TAF1B: variants seen among roughly 807,000 people sequenced by gnomAD.
The protein encoded by TAF1B is TATA-box binding protein associated factor, RNA polymerase I subunit B.
A neutral mutation model predicts 83.9 loss-of-function variants in TAF1B; 61 were observed. That is an observed-to-expected ratio of 0.73 (90% CI 0.59 to 0.90). The LOEUF (loss-of-function observed/expected upper bound fraction) is 0.90, where lower values mean the gene tolerates loss of function less well. TAF1B is among the 40% of genes least tolerant of loss of function. TAF1B has a pLI of 0.00. For missense variants in TAF1B, 625 were observed against 677.0 expected (o/e 0.92, Z 0.85); for synonymous variants, 221 against 224.6 (o/e 0.98, Z 0.14).
At chr2:9,890,423 C>T (rs1572255034) in intron 8 of TAF1B, among the ~76,000 whole-genome samples, 1 of 152,104 alleles carries the variant, frequency 6.6e-6, no homozygotes, top group African/African-American at 2.4e-5. Flanking sequence ...TTAGGTATTA[C>T]CTGAACAGTT....
rs373461123 is a variant in TAF1B at position 9,875,869 on chromosome 2, G to C, written c.558G>C (p.Thr186=). The C allele has an allele frequency of 2.2e-5, 35 of 1,579,626 alleles. No individual in the cohort carries two copies. Among genetic ancestry groups the C allele is most frequent in the Non-Finnish European group, 2.9e-5 (34 of 1,155,888 alleles). The change falls in exon 7 of 15, where the codon ACG becomes ACC. Residue 186 remains threonine, a synonymous_variant. Coordinates refer to ENST00000263663, the MANE Select transcript of TAF1B (RefSeq NM_005680.3). The part of the protein sequence containing the change: ...FPVSKASQSE[T]SVCSGSLDGV... Reference sequence around the variant, plus strand: ...AATCTCCATTTATCTCCTAAGAAACGTCTGTCTGCTCTGGATCTCTGGATG... The same window carrying C: ...AATCTCCATTTATCTCCTAAGAAACCTCTGTCTGCTCTGGATCTCTGGATG...
intron 14 of TAF1B, among the ~76,000 whole-genome samples, chr2:9,932,116 G>T (rs1457671573): frequency 6.6e-6 from 1 of 152,092 alleles, no homozygotes; most frequent in Non-Finnish European, 1.5e-5. Flanking sequence ...TTGAACATCT[G>T]CCTTTAGCTC....
chr2:9,904,042 G>A (rs1269713999), intron 8 of TAF1B, among the ~76,000 whole-genome samples: 1 of 152,136 alleles, frequency 6.6e-6, no homozygotes, highest in Non-Finnish European at 1.5e-5. Context: ...AGTTTTATCT[G>A]TTCCTTTTTC....
At chr2:9,858,497 C>G (rs1663637794) in intron 5 of TAF1B, among the ~76,000 whole-genome samples, 1 of 152,244 alleles carries the variant, frequency 6.6e-6, no homozygotes, top group Admixed American at 6.5e-5. Flanking sequence ...CACAGCTCCA[C>G]TAGGCAGTGC....
chr2:9,933,109 C>T (rs1202735609), intron 14 of TAF1B, among the ~76,000 whole-genome samples: 2 of 152,202 alleles, frequency 1.3e-5, no homozygotes, highest in African/African-American at 2.4e-5. Flanking sequence ...AAGGGAAATC[C>T]CTTCCCAGGT....
At chr2:9,929,805 C>T (rs536706762) in intron 14 of TAF1B, among the ~76,000 whole-genome samples, 24 of 152,210 alleles carry the variant, frequency 1.6e-4, no homozygotes, top group Admixed American at 4.6e-4. Flanking sequence ...GCTGTGAATC[C>T]GTCTGGTCCT....
At chr2:9,876,039 GATA>G (rs1481911032) in intron 7 of TAF1B, 21 bp downstream of exon 7, 1 of 1,572,868 alleles carries the variant, frequency 6.4e-7, no homozygotes, top group East Asian at 2.3e-5. Context: ...CCTCTTGTAT[GATA>G]ATATTTTTGC....
rs375271658 is a variant in TAF1B, at chr2:9,882,700, A to C, written c.708-6A>C. The C allele has an allele frequency of 8.2e-6, 13 of 1,592,510 alleles. No individual in the cohort carries two copies. Among genetic ancestry groups the C allele is most frequent in the African/African-American group, 2.7e-5 (2 of 73,940 alleles). On this transcript the variant is annotated splice_region_variant and splice_polypyrimidine_tract_variant and intron_variant, in intron 7 of 14. Coordinates refer to ENST00000263663, the MANE Select transcript of TAF1B (RefSeq NM_005680.3). ...TCATTAAACCTTTTTCTTTTTAAAA[A>C]TACAGGTTTGTTGAAGAGGACCATA...
chr2:9,885,079 T>C (rs1664632511), intron 8 of TAF1B, among the ~76,000 whole-genome samples: 1 of 152,226 alleles, frequency 6.6e-6, no homozygotes, highest in Non-Finnish European at 1.5e-5. Context: ...TATATCTTCG[T>C]AGAACCTATT....
At position 9,875,958 on chromosome 2, in the gene TAF1B, C is replaced by T; in HGVS notation, c.647C>T (p.Ala216Val). 1 of 1,613,562 alleles carries T rather than the reference C, an allele frequency of 6.2e-7. No homozygotes were observed. Among genetic ancestry groups the T allele is most frequent in the South Asian group, 1.1e-5 (1 of 90,986 alleles). The change falls in exon 7 of 15, where the codon GCC (alanine) becomes GTC (valine). Residue 216 changes from alanine to valine, a missense_variant. By Grantham distance (64) the Ala-to-Val change is moderately conservative. Transcript: ENST00000263663. ...IVKMTMPQTL[A>V]FCYLSLLWQR... is the part of the protein sequence containing the mutation. The stretch of plus-strand genomic sequence containing the variant: ...AAGATGACCATGCCACAGACACTTG[C>T]CTTCTGTTATCTGTCCTTACTTTGG...
intron 14 of TAF1B, among the ~76,000 whole-genome samples, chr2:9,929,071 G>T (rs1031943107): frequency 1.3e-5 from 2 of 152,190 alleles, no homozygotes; most frequent in Non-Finnish European, 2.9e-5. Context: ...TAGCATGAAG[G>T]GCTGTTGAAT....
At chr2:9,868,779 A>G in intron 6 of TAF1B, 1 of 461,238 alleles carries the variant, frequency 2.2e-6, no homozygotes, top group Admixed American at 2.7e-5. Flanking sequence ...ATGTAGCCAT[A>G]TAGTAAAATA....
chr2:9,845,010 A>G (rs1464586239), intron 1 of TAF1B, among the ~76,000 whole-genome samples: 1 of 151,950 alleles, frequency 6.6e-6, no homozygotes, highest in African/African-American at 2.4e-5. Context: ...GTCACACTGC[A>G]TATTTCAATA....
Position 9,933,914 on chromosome 2 carries a change from AG to A in TAF1B, c.1698del (p.Lys567AsnfsTer9). 6.2e-7 allele frequency: 1 copy of A among 1,613,780 alleles called. No homozygotes were observed. On this transcript the variant is annotated frameshift_variant, in exon 15 of 15. Transcript: ENST00000263663. LOFTEE classifies it high-confidence loss of function. ...CATGAAGAAGTGAGCTTAGTTGAGA[AG>A]AAACTTTTTGAGAAAAAATACAGTG... is the stretch of plus-strand genomic sequence containing the variant. ...LLHEEVSLVE[K>X]KLFEKKYSVK...
At position 9,858,234 on chromosome 2, in the gene TAF1B, C is replaced by T. The variant is rs148097105; in HGVS notation, c.399+3813C>T. ...CAAAACAAAGGGGCCAATACAAGTC[C>T]GAAACCCAGCAGGGCATTCACTAAA... On this transcript the variant is annotated intron_variant, in intron 5 of 14. Transcript: ENST00000263663. 2.1e-4 allele frequency among the ~76,000 whole-genome samples: 32 copies of T among 152,328 alleles called. No individual in the cohort carries two copies. The East Asian group carries it at 3.3e-3, about 16-fold the overall frequency.
At chr2:9,927,125 G>A (rs1242704285) in intron 14 of TAF1B, among the ~76,000 whole-genome samples, 1 of 150,002 alleles carries the variant, frequency 6.7e-6, no homozygotes, top group Admixed American at 6.7e-5. Context: ...ATGGTGTTTG[G>A]TTTTCTGTCC....
intron 8 of TAF1B, among the ~76,000 whole-genome samples, chr2:9,890,938 T>TA (rs1664853543): frequency 6.6e-6 from 1 of 152,054 alleles, no homozygotes; most frequent in African/African-American, 2.4e-5. Context: ...TCCTGGCTAC[T>TA]TTTTTGTATT....
chr2:9,846,090 A>G (rs772546553), intron 2 of TAF1B: 24 of 470,986 alleles, frequency 5.1e-5, no homozygotes, highest in Non-Finnish European at 5.7e-5. Flanking sequence ...TGGATCCATT[A>G]TCTCATTTCC....
At chr2:9,888,507 A>G (rs997248001) in intron 8 of TAF1B, among the ~76,000 whole-genome samples, 3 of 151,752 alleles carry the variant, frequency 2.0e-5, no homozygotes, top group African/African-American at 7.3e-5. Flanking sequence ...TTCTTGTTCT[A>G]AAAAAAAGTC....
Sources: allele counts gnomAD v4.1 joint callset (sites outside exome capture counted in the v4.1 genomes callset), GRCh38; gene constraint gnomAD v4.1.1; transcripts MANE v1.5; gene names NCBI Gene and HGNC (gene_info 2026-07-23, HGNC 2026-07-21).